SPAG16: variants seen among roughly 807,000 people sequenced by gnomAD.
SPAG16 encodes sperm associated antigen 16.
A neutral mutation model predicts 80.4 loss-of-function variants in SPAG16; 86 were observed. The observed-to-expected ratio is 1.07, with a 90% confidence interval of 0.90 to 1.28. The LOEUF is 1.28. Among genes scored for constraint, SPAG16 ranks in the 50% most tolerant of loss-of-function variants. SPAG16 has a pLI of 0.00. For synonymous variants in SPAG16, 294 were observed against 265.9 expected (o/e 1.11, Z -1.03); for missense variants, 870 against 765.3 (o/e 1.14, Z -1.61).
chr2:213,297,049 C>T (rs975956), intron 2 of SPAG16: 395,171 of 1,369,304 alleles, frequency 0.29, 61,417 homozygotes, highest in African/African-American at 0.41. Flanking sequence ...CAAACTAATC[C>T]TGAATTTATT....
intron 10 of SPAG16, among the ~76,000 whole-genome samples, chr2:213,501,345 T>C (rs1165238428): frequency 6.6e-6 from 1 of 152,224 alleles, no homozygotes; most frequent in Non-Finnish European, 1.5e-5. Context: ...GCTGATAATA[T>C]TAACTGCCTG....
intron 9 of SPAG16, among the ~76,000 whole-genome samples, chr2:213,487,216 C>G (rs185556274): frequency 3.3e-4 from 50 of 152,082 alleles, no homozygotes; most frequent in Non-Finnish European, 6.5e-4. Context: ...GGGTGTGACT[C>G]AGTGATACTG....
At chr2:214,328,337 A>AT (rs1320562050) in intron 15 of SPAG16, among the ~76,000 whole-genome samples, 1 of 151,966 alleles carries the variant, frequency 6.6e-6, no homozygotes, top group Admixed American at 6.6e-5. Context: ...TTGTGTATGT[A>AT]TTTTTTATAG....
At chr2:213,917,734 A>T (rs550150108) in intron 11 of SPAG16, among the ~76,000 whole-genome samples, 1 of 152,114 alleles carries the variant, frequency 6.6e-6, no homozygotes, top group Non-Finnish European at 1.5e-5. Context: ...GGATAGTTTG[A>T]CTTCCTCTCT....
At chr2:213,422,224 G>A (rs947244201) in intron 9 of SPAG16, 1 of 701,698 alleles carries the variant, frequency 1.4e-6, no homozygotes, top group East Asian at 2.7e-5. Flanking sequence ...CCCTCTTTGG[G>A]GCTGTGCAGT....
intron 10 of SPAG16, among the ~76,000 whole-genome samples, chr2:213,672,480 ATATT>A (rs1016489668): frequency 1.1e-3 from 161 of 151,958 alleles, no homozygotes; most frequent in African/African-American, 3.8e-3. Context: ...CTCTGGAACT[ATATT>A]TATTTTTTTG....
intron 13 of SPAG16, among the ~76,000 whole-genome samples, chr2:214,087,621 T>G (rs1437399317): frequency 6.6e-6 from 1 of 152,086 alleles, no homozygotes; most frequent in African/African-American, 2.4e-5. Context: ...GTGATTATTC[T>G]TAAGTACCAA....
chr2:213,791,407 T>C (rs2070694601), intron 10 of SPAG16, among the ~76,000 whole-genome samples: 1 of 152,118 alleles, frequency 6.6e-6, no homozygotes, highest in Non-Finnish European at 1.5e-5. Flanking sequence ...TCTTTTTTTA[T>C]ACAAAGAAAA....
chr2:213,977,826 C>T (rs1438995496), intron 12 of SPAG16, among the ~76,000 whole-genome samples: 1 of 152,056 alleles, frequency 6.6e-6, no homozygotes, highest in Non-Finnish European at 1.5e-5. Context: ...ACATAATCTG[C>T]ATACAACTTT....
intron 7 of SPAG16, among the ~76,000 whole-genome samples, chr2:213,363,423 G>T (rs984057440): frequency 6.6e-6 from 1 of 151,952 alleles, no homozygotes; most frequent in African/African-American, 2.4e-5. Flanking sequence ...ACTATTCAGT[G>T]ATAGTAGAAA....
intron 10 of SPAG16, among the ~76,000 whole-genome samples, chr2:213,704,019 T>C (rs2125336554): frequency 6.6e-6 from 1 of 152,318 alleles, no homozygotes; most frequent in Admixed American, 6.5e-5. Context: ...TTCTCCTAGA[T>C]ATAAAGTCAA....
At chr2:213,956,111 A>G (rs958877317) in intron 12 of SPAG16, among the ~76,000 whole-genome samples, 2 of 151,516 alleles carry the variant, frequency 1.3e-5, no homozygotes, top group Non-Finnish European at 1.5e-5. Flanking sequence ...ATTCACCACC[A>G]TGCCTGGCTA....
At chr2:214,261,063 C>T (rs1244320558) in intron 15 of SPAG16, among the ~76,000 whole-genome samples, 1 of 120,936 alleles carries the variant, frequency 8.3e-6, no homozygotes, top group African/African-American at 3.2e-5. Context: ...GCCGAGATCG[C>T]GCCACTGCAC....
chr2:214,246,878 A>T (rs1689886827), intron 15 of SPAG16, among the ~76,000 whole-genome samples: 1 of 152,214 alleles, frequency 6.6e-6, no homozygotes, highest in Non-Finnish European at 1.5e-5. Flanking sequence ...CTTTGAAAAA[A>T]ATATAACCTT....
At chr2:213,876,044 T>C (rs1266754035) in intron 11 of SPAG16, among the ~76,000 whole-genome samples, 3 of 152,074 alleles carry the variant, frequency 2.0e-5, no homozygotes, top group African/African-American at 7.2e-5. Context: ...TTGTCCTAAC[T>C]TTGATGAAGA....
At chr2:214,171,582 A>C (rs2056869221) in intron 15 of SPAG16, among the ~76,000 whole-genome samples, 1 of 152,014 alleles carries the variant, frequency 6.6e-6, no homozygotes, top group South Asian at 2.1e-4. Context: ...TTTAAAGTTT[A>C]AATTCGAACA....
At chr2:214,151,958 G>C (rs1421142864) in intron 15 of SPAG16, among the ~76,000 whole-genome samples, 1 of 152,156 alleles carries the variant, frequency 6.6e-6, no homozygotes, top group African/African-American at 2.4e-5. Flanking sequence ...AATATTTAAT[G>C]TCTCTAGATC....
intron 9 of SPAG16, among the ~76,000 whole-genome samples, chr2:213,428,265 C>A (rs866484976): frequency 6.6e-6 from 1 of 152,154 alleles, no homozygotes; most frequent in African/African-American, 2.4e-5. Flanking sequence ...CCTCTGCAAT[C>A]CACATTTCCA....
At chr2:214,357,617 T>C (rs1362441431) in intron 15 of SPAG16, among the ~76,000 whole-genome samples, 1 of 152,004 alleles carries the variant, frequency 6.6e-6, no homozygotes, top group Non-Finnish European at 1.5e-5. Flanking sequence ...TTTCTGATAT[T>C]GTCCTTTATT....
Sources: gnomAD v4.1 joint callset for allele counts (sites outside exome capture counted in the v4.1 genomes callset) on GRCh38, gnomAD v4.1.1 for gene constraint, MANE v1.5 for transcripts, NCBI Gene and HGNC (gene_info 2026-07-23, HGNC 2026-07-21) for gene names.